TANK: variants seen among roughly 807,000 people sequenced by gnomAD.
The protein encoded by TANK is TRAF family member associated NFKB activator.
A neutral mutation model predicts 43.6 loss-of-function variants in TANK; 15 were observed. The ratio of observed to expected loss-of-function variants is 0.34; its 90% CI spans 0.23 to 0.53. TANK has a LOEUF of 0.53. TANK is among the 20% of genes least tolerant of loss of function. TANK has a pLI of 0.94. For synonymous variants in TANK, 162 were observed against 178.2 expected (o/e 0.91, Z 0.73); for missense variants, 417 against 498.6 (o/e 0.84, Z 1.56).
intron 4 of TANK, among the ~76,000 whole-genome samples, chr2:161,207,184 G>A (rs1686689745): frequency 6.6e-6 from 1 of 152,036 alleles, no homozygotes; most frequent in Non-Finnish European, 1.5e-5. Flanking sequence ...TTGGATACCT[G>A]GGATGAAATT....
chr2:161,149,057 T>C (rs1573945624), intron 1 of TANK, among the ~76,000 whole-genome samples: 1 of 152,196 alleles, frequency 6.6e-6, no homozygotes, highest in African/African-American at 2.4e-5. Context: ...AGCAATTGCA[T>C]TGAATCTGGA....
intron 6 of TANK, chr2:161,227,229 G>C (rs2105395120): frequency 6.6e-6 from 1 of 152,326 alleles, no homozygotes; most frequent in Non-Finnish European, 1.5e-5. Flanking sequence ...ATGTGGCTGA[G>C]TTTTATGCCA....
At chr2:161,213,269 A>G (rs936717438) in intron 4 of TANK, among the ~76,000 whole-genome samples, 4 of 152,122 alleles carry the variant, frequency 2.6e-5, no homozygotes, top group Admixed American at 1.3e-4. Context: ...CCCACAAACC[A>G]TCTAGTTTAT....
chr2:161,150,834 G>A (rs1248650430), intron 1 of TANK, among the ~76,000 whole-genome samples: 3 of 151,992 alleles, frequency 2.0e-5, no homozygotes, highest in East Asian at 3.9e-4. Flanking sequence ...CAAGTGATCT[G>A]CTTGTCTCAA....
chr2:161,138,363 C>T (rs1205137541), intron 1 of TANK, among the ~76,000 whole-genome samples: 1 of 152,092 alleles, frequency 6.6e-6, no homozygotes, highest in Non-Finnish European at 1.5e-5. Context: ...CCTCTTTATC[C>T]AGGGCTTTCT....
chr2:161,138,029 CAT>C (rs3071183), intron 1 of TANK: 26,399 of 605,944 alleles, frequency 0.044, 1,979 homozygotes, highest in African/African-American at 0.24. Flanking sequence ...ATAAAAAGCA[CAT>C]GATAGTGAAT....
chr2:161,200,609 TAAAA>T (rs1235026413), intron 2 of TANK: 1 of 905,152 alleles, frequency 1.1e-6, no homozygotes, highest in East Asian at 1.2e-4. Context: ...CTTCCCTTTT[TAAAA>T]AAAAGAATCT....
chr2:161,150,744 C>G (rs1303980836), intron 1 of TANK, among the ~76,000 whole-genome samples: 1 of 151,952 alleles, frequency 6.6e-6, no homozygotes, highest in African/African-American at 2.4e-5. Flanking sequence ...ACGCATACCA[C>G]CACACCGAGC....
intron 1 of TANK, among the ~76,000 whole-genome samples, chr2:161,167,961 G>T (rs1684766177): frequency 6.6e-6 from 1 of 152,020 alleles, no homozygotes; most frequent in South Asian, 2.1e-4. Context: ...AGCAAAGAAT[G>T]GGCTGATACT....
chr2:161,162,305 A>G (rs1013981507), intron 1 of TANK, among the ~76,000 whole-genome samples: 3 of 152,080 alleles, frequency 2.0e-5, no homozygotes, highest in Non-Finnish European at 2.9e-5. Context: ...TAATTGCATT[A>G]TCTTTGAGAT....
chr2:161,155,716 T>A (rs999166521), upstream of TANK, among the ~76,000 whole-genome samples: 1 of 152,214 alleles, frequency 6.6e-6, no homozygotes, highest in African/African-American at 2.4e-5. Context: ...ATAACTTAGA[T>A]ACCAGAAGCC....
intron 1 of TANK, among the ~76,000 whole-genome samples, chr2:161,141,108 T>G (rs1683734471): frequency 6.6e-6 from 1 of 152,176 alleles, no homozygotes; most frequent in Non-Finnish European, 1.5e-5. Flanking sequence ...AATGAACAAT[T>G]CAGTGGCATT....
upstream of TANK, among the ~76,000 whole-genome samples, chr2:161,155,584 A>C (rs979408413): frequency 1.3e-5 from 2 of 152,224 alleles, no homozygotes; most frequent in African/African-American, 4.8e-5. Context: ...CTATAGGTCA[A>C]ATCTTTCCCA....
intron 2 of TANK, among the ~76,000 whole-genome samples, chr2:161,186,022 T>C (rs1383286412): frequency 6.6e-6 from 1 of 152,084 alleles, no homozygotes; most frequent in Non-Finnish European, 1.5e-5. Flanking sequence ...TGAACAAAAT[T>C]AGCTGGACAT....
rs1687904319 is a variant in TANK, at chr2:161,231,441, C to A, written c.991C>A (p.Pro331Thr). The A allele has an allele frequency of 6.2e-7, 1 of 1,614,170 alleles. No homozygotes were observed. Among genetic ancestry groups the A allele is most frequent in the African/African-American group, 1.3e-5 (1 of 75,036 alleles). ...TCTGGATAGAGCTGCGTGTTTGCCACCTGGAGACCATAATGCATTATATGT... is the reference window on the plus strand; with the variant it reads ...TCTGGATAGAGCTGCGTGTTTGCCAACTGGAGACCATAATGCATTATATGT... ...TTLDRAACLPPGDHNALYVNS... is the reference protein window; with the variant it reads ...TTLDRAACLPTGDHNALYVNS... The change falls in exon 7 of 8, where the codon CCT becomes ACT. Residue 331 changes from proline to threonine, a missense_variant. Physicochemically the swap from Pro to Thr is conservative, Grantham distance 38 (BLOSUM62 -1). Transcript: ENST00000392749.
At chr2:161,176,841 T>G in intron 1 of TANK, among the ~76,000 whole-genome samples, 1 of 152,088 alleles carries the variant, frequency 6.6e-6, no homozygotes, top group East Asian at 1.9e-4. Context: ...GTGGTTTATA[T>G]TGACAATTTT....
intron 2 of TANK, among the ~76,000 whole-genome samples, chr2:161,180,737 G>C (rs1004319016): frequency 6.6e-6 from 1 of 152,114 alleles, no homozygotes; most frequent in Admixed American, 6.5e-5. Context: ...ATTTATTACA[G>C]TGACATAGTA....
chr2:161,189,688 A>C (rs1040128971), intron 2 of TANK, among the ~76,000 whole-genome samples: 1 of 152,220 alleles, frequency 6.6e-6, no homozygotes, highest in Non-Finnish European at 1.5e-5. Context: ...ACTAATAAAC[A>C]AATTCAGTAA....
intron 4 of TANK, among the ~76,000 whole-genome samples, chr2:161,216,214 T>A (rs1687109510): frequency 6.6e-6 from 1 of 152,206 alleles, no homozygotes; most frequent in Non-Finnish European, 1.5e-5. Flanking sequence ...TCCCTCTACA[T>A]TTTATCTTAA....
Sources: gnomAD v4.1 joint callset for allele counts (sites outside exome capture counted in the v4.1 genomes callset) on GRCh38, gnomAD v4.1.1 for gene constraint, MANE v1.5 for transcripts, NCBI Gene and HGNC (gene_info 2026-07-23, HGNC 2026-07-21) for gene names.